SLC14A1: variants seen among roughly 807,000 people sequenced by gnomAD.
SLC14A1 encodes urea transporter 1.
In SLC14A1, 36 loss-of-function variants were observed where a neutral mutation model predicts 39.6. That is an observed-to-expected ratio of 0.91 (90% CI 0.70 to 1.20). The LOEUF is 1.20. Among genes scored for constraint, SLC14A1 ranks in the 50% most tolerant of loss-of-function variants. The pLI is 0.00. For missense variants in SLC14A1, 469 were observed against 478.7 expected (o/e 0.98, Z 0.19); for synonymous variants, 164 against 173.6 (o/e 0.94, Z 0.43).
At position 45,736,599 on chromosome 18, in the gene SLC14A1, C is replaced by T. The variant is rs1428948189; in HGVS notation, c.614C>T (p.Pro205Leu). 1 of 1,614,188 alleles carries T rather than the reference C, an allele frequency of 6.2e-7. No individual in the cohort carries two copies. Among genetic ancestry groups the T allele is most frequent in the East Asian group, 2.2e-5 (1 of 44,882 alleles). The change falls in exon 6 of 10, where the codon CCT becomes CTT. Residue 205 changes from proline to leucine, a missense_variant. Pro to Leu is a moderately conservative substitution (Grantham distance 98). Transcript: ENST00000321925. ...NPFFPAKLVI[P>L]ITTAPNISWS... The stretch of plus-strand genomic sequence containing the variant: ...TTCTTTCCAGCCAAACTGGTCATAC[C>T]TATAACTACAGCTCCAAATATCTCC...
Position 45,750,004 on chromosome 18 carries a change from C to T in SLC14A1, c.*53C>T. ...ACGAGTCATTTCTGCCTGACTGCTC[C>T]AGCTAACTTCCAGGGTCTCAGCAAA... On this transcript the variant is annotated 3_prime_UTR_variant, in exon 10 of 10. Coordinates refer to ENST00000321925, the MANE Select transcript of SLC14A1 (RefSeq NM_015865.7). 1 of 1,613,674 alleles carries T rather than the reference C, an allele frequency of 6.2e-7. No homozygotes were observed. Among genetic ancestry groups the T allele is most frequent in the Non-Finnish European group, 8.5e-7 (1 of 1,180,020 alleles).
Position 45,751,808 on chromosome 18 carries a change from ATTAAT to A in SLC14A1, c.*1862_*1866del, listed in dbSNP as rs2047718569. On this transcript the variant is annotated 3_prime_UTR_variant, in exon 10 of 10. Coordinates refer to ENST00000321925, the MANE Select transcript of SLC14A1 (RefSeq NM_015865.7). ...AAAAAATTAATTAATTAATTAATTAATTAATTTAAAAAGGAAGTCATGTTCATTTA... is the reference window on the plus strand; with the variant it reads ...AAAAAATTAATTAATTAATTAATTAATTAAAAAGGAAGTCATGTTCATTTA... The A allele has an allele frequency of 1.1e-6, 1 of 914,114 alleles. No individual in the cohort carries two copies. The highest frequency in any genetic ancestry group is 1.3e-6 in the Non-Finnish European group (1 of 765,472). 56.6% of individuals were successfully genotyped at this position (914,114 alleles called of 1,614,324 possible).
chr18:45,727,209 A>T, intron 2 of SLC14A1: 1 of 1,524,134 alleles, frequency 6.6e-7, no homozygotes, highest in Non-Finnish European at 8.9e-7. Flanking sequence ...CATTAGAGCT[A>T]GGGCACACGT....
chr18:45,730,066 T>G, intron 2 of SLC14A1: 1 of 440,878 alleles, frequency 2.3e-6, no homozygotes, highest in Admixed American at 3.7e-5. Context: ...CTGCACCTTA[T>G]GAAATTAAAG....
intron 5 of SLC14A1, 78 bp from the exon 6 acceptor site, chr18:45,736,378 G>A (rs2047194188): frequency 2.1e-6 from 3 of 1,423,970 alleles, no homozygotes; most frequent in African/African-American, 2.8e-5. Context: ...GTGAAACAAA[G>A]CCCCTCCAGA....
At chr18:45,735,832 G>T (rs2047178275) in intron 5 of SLC14A1, among the ~76,000 whole-genome samples, 1 of 152,218 alleles carries the variant, frequency 6.6e-6, no homozygotes, top group Non-Finnish European at 1.5e-5. Context: ...GGGCCAACAA[G>T]TGAGAGCCTA....
At chr18:45,748,458 G>GT in intron 9 of SLC14A1, 33 bp downstream of exon 9, 4 of 1,608,592 alleles carry the variant, frequency 2.5e-6, no homozygotes, top group Non-Finnish European at 3.4e-6. Flanking sequence ...TTTCATTAGC[G>GT]TAATTGACCA....
chr18:45,746,017 G>A (rs1013500807), intron 8 of SLC14A1, among the ~76,000 whole-genome samples: 1 of 152,194 alleles, frequency 6.6e-6, no homozygotes, highest in African/African-American at 2.4e-5. Flanking sequence ...ATCAGGAAGT[G>A]GACTCAGGAA....
intron 2 of SLC14A1, chr18:45,727,280 A>T: frequency 6.4e-7 from 1 of 1,551,652 alleles, no homozygotes; most frequent in East Asian, 2.4e-5. Context: ...GGATGAATGG[A>T]CGGTCTTTGA....
intron 5 of SLC14A1, 23 bp from the exon 6 acceptor site, chr18:45,736,433 C>G: frequency 6.2e-7 from 1 of 1,613,190 alleles, no homozygotes; most frequent in Non-Finnish European, 8.5e-7. Context: ...CATGCACATT[C>G]TTTTGCTCTG....
Position 45,731,129 on chromosome 18 carries a change from A to G in SLC14A1, c.266A>G (p.Asn89Ser). 6.2e-6 allele frequency: 10 copies of G among 1,613,856 alleles called. No individual in the cohort carries two copies. The highest frequency in any genetic ancestry group is 1.1e-5 in the South Asian group (1 of 91,060). The change falls in exon 4 of 10, where the codon AAC becomes AGC. Residue 89 changes from asparagine (N) to serine (S), a missense_variant. Transcript: ENST00000321925. ...ILILVGLLVQ[N>S]PWWALTGWLG... ...ATTCTGGTAGGACTTCTTGTTCAGA[A>G]CCCCTGGTGGGCTCTCACTGGCTGG...
intron 2 of SLC14A1, chr18:45,727,490 C>T (rs3861806): frequency 0.93 from 1,366,560 of 1,473,406 alleles, 634,007 homozygotes; most frequent in East Asian, 1. Context: ...GTATCTTTTC[C>T]GGGCAGAGCC....
At position 45,749,802 on chromosome 18, in the gene SLC14A1, C is replaced by A; in HGVS notation, c.1021C>A (p.Pro341Thr). 6.2e-7 allele frequency: 1 copy of A among 1,614,160 alleles called. No individual in the cohort carries two copies. The highest frequency in any genetic ancestry group is 1.1e-5 in the South Asian group (1 of 91,078). ...GGTTGGATTGCCAGCTTGTACCTGG[C>A]CCTTCTGTTTGGCCACGCTATTGTT... Reference protein sequence around the residue: ...AEVGLPACTWPFCLATLLFLI... With the variant: ...AEVGLPACTWTFCLATLLFLI... Residue 341 changes from proline (P) to threonine (T), a missense_variant, in exon 10 of 10, where the codon CCC becomes ACC. Transcript: ENST00000321925.
At chr18:45,739,348 C>G in intron 7 of SLC14A1, 38 bp downstream of exon 7, 1 of 1,613,810 alleles carries the variant, frequency 6.2e-7, no homozygotes, top group South Asian at 1.1e-5. Flanking sequence ...TGAGCACCTC[C>G]TCCATCCCAT....
At chr18:45,739,705 A>G (rs1463417691) in intron 8 of SLC14A1, 43 bp downstream of exon 8, 1 of 1,613,614 alleles carries the variant, frequency 6.2e-7, no homozygotes, top group Non-Finnish European at 8.5e-7. Flanking sequence ...TCATGACTAC[A>G]GGATCTCAAT....
At chr18:45,743,041 T>G (rs753988362) in intron 8 of SLC14A1, among the ~76,000 whole-genome samples, 5 of 152,264 alleles carry the variant, frequency 3.3e-5, no homozygotes, top group Non-Finnish European at 7.3e-5. Flanking sequence ...TCTTGACATG[T>G]TGTTTCCCCA....
At chr18:45,727,680 G>A (rs1262040007) in intron 2 of SLC14A1, among the ~76,000 whole-genome samples, 1 of 152,214 alleles carries the variant, frequency 6.6e-6, no homozygotes, top group African/African-American at 2.4e-5. Context: ...TATTTTATTA[G>A]AGTGCCTTTT....
chr18:45,734,596 C>T (rs1334530118), intron 5 of SLC14A1, among the ~76,000 whole-genome samples, 194 bp downstream of exon 5: 2 of 152,078 alleles, frequency 1.3e-5, no homozygotes, highest in East Asian at 1.9e-4. Context: ...AATGGTTAGC[C>T]GGGTGCGGTG....
At chr18:45,728,802 T>A (rs1487566623) in intron 2 of SLC14A1, among the ~76,000 whole-genome samples, 1 of 152,192 alleles carries the variant, frequency 6.6e-6, no homozygotes, top group Non-Finnish European at 1.5e-5. Context: ...TAAAATGACC[T>A]TGGTCTGGAA....
Sources: allele counts gnomAD v4.1 joint callset (sites outside exome capture counted in the v4.1 genomes callset), GRCh38; gene constraint gnomAD v4.1.1; transcripts MANE v1.5; gene names NCBI Gene and HGNC (gene_info 2026-07-23, HGNC 2026-07-21).